The following RCAN1 variants were observed in gnomAD, a reference collection of about 807,000 sequenced individuals.
RCAN1 encodes regulator of calcineurin 1, also known as calcipressin-1.
Under a neutral mutation model 22.9 loss-of-function variants are expected in RCAN1, and 11 were observed. The ratio of observed to expected loss-of-function variants is 0.48; its 90% CI spans 0.30 to 0.79. RCAN1 has a LOEUF of 0.79. Ranked by LOEUF, RCAN1 falls within the 30% of genes least tolerant of loss-of-function variation. The probability of loss-of-function intolerance (pLI) is 0.06; values close to 1 mark genes in which losing one functional copy is unlikely to be tolerated. For synonymous variants in RCAN1, 136 were observed against 142.3 expected (o/e 0.96, Z 0.32); for missense variants, 291 against 337.8 (o/e 0.86, Z 1.09).
intron 2 of RCAN1, chr21:34,522,762 G>A (rs1385901230): frequency 6.6e-6 from 1 of 152,330 alleles, no homozygotes; most frequent in Non-Finnish European, 1.5e-5. Flanking sequence ...AGAGCCTGAG[G>A]GGGACTTGCT....
intron 3 of RCAN1, among the ~76,000 whole-genome samples, chr21:34,519,397 CTTTTTTT>C (rs34152667): frequency 2.2e-4 from 23 of 102,774 alleles, no homozygotes; most frequent in African/African-American, 7.8e-4. Flanking sequence ...TTCTTTCTTT[CTTTTTTT>C]TTTTTTTTTT....
At chr21:34,557,259 C>T (rs1986617274) in intron 1 of RCAN1, among the ~76,000 whole-genome samples, 1 of 152,088 alleles carries the variant, frequency 6.6e-6, no homozygotes, top group Non-Finnish European at 1.5e-5. Context: ...CTGTGAAGAC[C>T]ACACCAGAGC....
intron 1 of RCAN1, chr21:34,559,935 G>A (rs56158158): frequency 0.068 from 10,363 of 152,180 alleles, 476 homozygotes; most frequent in East Asian, 0.14. Flanking sequence ...AAAAGGCACG[G>A]TTCAGGTACA....
chr21:34,548,853 A>G (rs553353132), intron 1 of RCAN1, among the ~76,000 whole-genome samples: 1 of 152,328 alleles, frequency 6.6e-6, no homozygotes, highest in East Asian at 1.9e-4. Flanking sequence ...TTCTATTGTA[A>G]ACAAAGCAAA....
intron 3 of RCAN1, chr21:34,520,937 A>C: frequency 5.6e-6 from 2 of 356,198 alleles, no homozygotes; most frequent in Non-Finnish European, 8.0e-6. Flanking sequence ...GAGGACGGGA[A>C]CTTCCTCTTT....
At chr21:34,520,934 G>T (rs924564601) in intron 3 of RCAN1, 2 of 357,540 alleles carry the variant, frequency 5.6e-6, no homozygotes, top group African/African-American at 4.4e-5. Flanking sequence ...CCAGAGGACG[G>T]GAACTTCCTC....
At chr21:34,598,074 T>C (rs1283715075) in intron 1 of RCAN1, among the ~76,000 whole-genome samples, 2 of 152,148 alleles carry the variant, frequency 1.3e-5, no homozygotes, top group Non-Finnish European at 1.5e-5. Flanking sequence ...CACAGGAACC[T>C]AGGATGTAAA....
chr21:34,599,811 T>C lies in RCAN1; in HGVS notation c.252+14949A>G, dbSNP rs114930941. ...ATCTAACGAATGTGACAATCTATAGTTGGTGCCTACTATCAGCAAACGGTA... is the reference window on the plus strand; with the variant it reads ...ATCTAACGAATGTGACAATCTATAGCTGGTGCCTACTATCAGCAAACGGTA... On this transcript the variant is annotated intron_variant, in intron 1 of 3. Transcript: ENST00000313806. Among the ~76,000 whole-genome samples the C allele has an allele frequency of 8.7e-3, 1,329 of 152,254 alleles. 17 individuals carry two copies. The highest frequency in any genetic ancestry group is 0.025 in the African/African-American group (1,026 of 41,552).
chr21:34,551,512 C>T (rs968929664), intron 1 of RCAN1, among the ~76,000 whole-genome samples: 27 of 152,222 alleles, frequency 1.8e-4, no homozygotes, highest in African/African-American at 6.5e-4. Flanking sequence ...GCAGCTCTCT[C>T]ACTGGTTCAA....
chr21:34,615,112 T>C lies in RCAN1; in HGVS notation c.-101A>G. 1 of 966,128 alleles carries C rather than the reference T, an allele frequency of 1.0e-6. No individual in the cohort carries two copies. Among genetic ancestry groups the C allele is most frequent in the Non-Finnish European group, 1.2e-6 (1 of 810,724 alleles). The allele number at this position is 966,128 out of a possible 1,614,324, so 59.8% of individuals were successfully genotyped here. On this transcript the variant is annotated 5_prime_UTR_variant, in exon 1 of 4. Transcript: ENST00000313806. ...CCGCGCCCGGCCGGCGGCTCCGCCG[T>C]TAACCCCCTCGGAATCGCGCGGCGG...
At chr21:34,529,362 T>C (rs114172231) in intron 1 of RCAN1, among the ~76,000 whole-genome samples, 2,692 of 152,306 alleles carry the variant, frequency 0.018, 77 homozygotes, top group African/African-American at 0.062. Flanking sequence ...TTAGTGGCAC[T>C]TGGACACTCT....
intron 1 of RCAN1, among the ~76,000 whole-genome samples, chr21:34,543,093 G>A (rs1985988852): frequency 6.6e-6 from 1 of 152,240 alleles, no homozygotes; most frequent in Non-Finnish European, 1.5e-5. Flanking sequence ...GAGGCTTGGT[G>A]CATAGGAAGT....
intron 1 of RCAN1, among the ~76,000 whole-genome samples, chr21:34,612,956 T>C (rs1229263950): frequency 6.6e-6 from 1 of 152,244 alleles, no homozygotes; most frequent in Non-Finnish European, 1.5e-5. Flanking sequence ...ATCGCATTTA[T>C]CACTATCCGA....
intron 1 of RCAN1, among the ~76,000 whole-genome samples, chr21:34,538,511 G>T (rs1313871461): frequency 1.3e-5 from 2 of 152,120 alleles, no homozygotes; most frequent in Admixed American, 1.3e-4. Flanking sequence ...TCCACTCCCC[G>T]CCATGGGTAC....
intron 1 of RCAN1, among the ~76,000 whole-genome samples, chr21:34,590,456 C>T (rs1441039488): frequency 6.6e-6 from 1 of 152,246 alleles, no homozygotes; most frequent in Non-Finnish European, 1.5e-5. Flanking sequence ...AGGATACTAA[C>T]TTTATTACTC....
At chr21:34,534,885 T>G (rs1985597454) in intron 1 of RCAN1, among the ~76,000 whole-genome samples, 1 of 152,152 alleles carries the variant, frequency 6.6e-6, no homozygotes, top group Admixed American at 6.5e-5. Context: ...CACCATCACA[T>G]GGAGACTGGG....
At chr21:34,585,276 T>C (rs1469992488) in intron 1 of RCAN1, among the ~76,000 whole-genome samples, 1 of 152,218 alleles carries the variant, frequency 6.6e-6, no homozygotes, top group African/African-American at 2.4e-5. Context: ...AATGCTAATG[T>C]CATTAGCTAC....
At chr21:34,569,811 A>C (rs991669857) in intron 1 of RCAN1, among the ~76,000 whole-genome samples, 3 of 152,212 alleles carry the variant, frequency 2.0e-5, no homozygotes, top group Non-Finnish European at 4.4e-5. Context: ...TGAGGAAATA[A>C]TCTCATGTCA....
chr21:34,585,229 T>C (rs1461988315), intron 1 of RCAN1, among the ~76,000 whole-genome samples: 2 of 152,188 alleles, frequency 1.3e-5, no homozygotes, highest in African/African-American at 2.4e-5. Flanking sequence ...CATTTTGTTA[T>C]ACAAAAAAGA....
Sources: gnomAD v4.1 joint callset for allele counts (sites outside exome capture counted in the v4.1 genomes callset) on GRCh38, gnomAD v4.1.1 for gene constraint, MANE v1.5 for transcripts, NCBI Gene and HGNC (gene_info 2026-07-23, HGNC 2026-07-21) for gene names.